Variants in MUL1 observed in about 807,000 individuals in gnomAD.
The protein encoded by MUL1 is mitochondrial E3 ubiquitin protein ligase 1, also known as mitochondrial ubiquitin ligase activator of NFKB 1.
Under a neutral mutation model 34.1 loss-of-function variants are expected in MUL1, and 30 were observed. The ratio of observed to expected loss-of-function variants is 0.88; its 90% confidence interval spans 0.66 to 1.19. MUL1 has a LOEUF of 1.19. Ranked by LOEUF, MUL1 falls within the 50% of genes most tolerant of loss-of-function variation. MUL1 has a pLI of 0.00. For synonymous variants in MUL1, 191 were observed against 187.8 expected (o/e 1.02, Z -0.14); for missense variants, 419 against 450.5 (o/e 0.93, Z 0.63).
At chr1:20,502,437 T>A (rs2051671497) in intron 2 of MUL1, among the ~76,000 whole-genome samples, 1 of 152,184 alleles carries the variant, frequency 6.6e-6, no homozygotes, top group Non-Finnish European at 1.5e-5. Flanking sequence ...TAGTCCCAGA[T>A]ACTTGGGAGG....
At chr1:20,502,279 T>A in intron 2 of MUL1, 90 bp from the exon 3 acceptor site, 1 of 1,556,872 alleles carries the variant, frequency 6.4e-7, no homozygotes, top group Non-Finnish European at 8.8e-7. Context: ...TCTGGCACAG[T>A]AGGTCACACC....
At chr1:20,506,967 C>T (rs1319894642) in intron 1 of MUL1, among the ~76,000 whole-genome samples, 1 of 152,152 alleles carries the variant, frequency 6.6e-6, no homozygotes, top group Non-Finnish European at 1.5e-5. Context: ...TGGCTCACGC[C>T]TTTACATCCC....
chr1:20,505,121 G>C (rs1251088728), intron 1 of MUL1, among the ~76,000 whole-genome samples: 1 of 152,190 alleles, frequency 6.6e-6, no homozygotes, highest in African/African-American at 2.4e-5. Flanking sequence ...CAGGGAAAAT[G>C]CAATTTCACA....
At chr1:20,507,588 G>A (rs1454897928) in intron 1 of MUL1, among the ~76,000 whole-genome samples, 3 of 152,230 alleles carry the variant, frequency 2.0e-5, no homozygotes, top group Admixed American at 6.5e-5. Flanking sequence ...ATCTCCACGA[G>A]GGGATGGACT....
chr1:20,506,272 G>T lies in MUL1; in HGVS notation c.120+1633C>A, dbSNP rs554467539. The stretch of plus-strand genomic sequence containing the variant: ...TGTATTGTGAAACTTCAGCCAAAAA[G>T]AACCCACAAACATTTACTGAGCATC... On this transcript the variant is annotated intron_variant, in intron 1 of 3. Transcript: ENST00000264198. Among the ~76,000 whole-genome samples, 14 of 152,250 alleles carry T rather than the reference G, an allele frequency of 9.2e-5. No homozygotes were observed. In the South Asian group the frequency reaches 2.9e-3, roughly 32 times the overall value.
chr1:20,506,465 A>T (rs919145973), intron 1 of MUL1, among the ~76,000 whole-genome samples: 4 of 152,260 alleles, frequency 2.6e-5, no homozygotes, highest in Non-Finnish European at 4.4e-5. Flanking sequence ...CCTAAATTTA[A>T]GTTTCAAGCT....
rs2051732750 is a variant in MUL1 at position 20,507,892 on chromosome 1, C to T, written c.120+13G>A. 6.3e-7 allele frequency: 1 copy of T among 1,596,522 alleles called. No individual in the cohort carries two copies. Among genetic ancestry groups the T allele is most frequent in the Non-Finnish European group, 8.5e-7 (1 of 1,172,344 alleles). On this transcript the variant is annotated intron_variant, in intron 1 of 3. Transcript: ENST00000264198. ...GATGACCCGGCTGAGGCCAGGCCGGCTCCAGCACTGACCTTGAGCTCTTGG... is the reference window on the plus strand; with the variant it reads ...GATGACCCGGCTGAGGCCAGGCCGGTTCCAGCACTGACCTTGAGCTCTTGG...
At chr1:20,507,865 G>C (rs1348331964) in intron 1 of MUL1, 40 bp downstream of exon 1, 1 of 1,586,122 alleles carries the variant, frequency 6.3e-7, no homozygotes, top group Non-Finnish European at 8.6e-7. Context: ...ACCTGGGACA[G>C]AGATGACCCG....
intron 1 of MUL1, among the ~76,000 whole-genome samples, chr1:20,507,315 AG>A (rs1454008755): frequency 6.6e-6 from 1 of 152,268 alleles, no homozygotes; most frequent in Non-Finnish European, 1.5e-5. Flanking sequence ...TAATATAAAA[AG>A]GAAGCGTCTG....
Position 20,500,755 on chromosome 1 carries a change from C to T in MUL1, c.994G>A (p.Glu332Lys). 1 of 1,612,568 alleles carries T rather than the reference C, an allele frequency of 6.2e-7. No homozygotes were observed. The highest frequency in any genetic ancestry group is 8.5e-7 in the Non-Finnish European group (1 of 1,179,312). ...SCTECYRALP[E>K]PKKCPICRQA... ...CTGCAGATAGGGCACTTCTTGGGCT[C>T]TGGCAAGGCGCGGTAGCACTCGGTG... is the stretch of plus-strand genomic sequence containing the variant. The change falls in exon 4 of 4, where the codon GAG becomes AAG. Residue 332 changes from glutamate to lysine, a missense_variant. Transcript: ENST00000264198.
Position 20,508,101 on chromosome 1 carries a change from A to C in MUL1, c.-77T>G, listed in dbSNP as rs1440511528. 9.2e-6 allele frequency: 14 copies of C among 1,525,938 alleles called. No homozygotes were observed. The highest frequency in any genetic ancestry group is 1.8e-6 in the Non-Finnish European group (2 of 1,135,086). The allele number at this position is 1,525,938 out of a possible 1,614,324, so 94.5% of individuals were successfully genotyped here. A position where few individuals can be genotyped will look rare whatever the true frequency, so the allele number is the denominator to read the frequency against. ...ACCCCCGACTCTCCACCTCCTTCCG[A>C]CCAGGACCGCACCCCCCCGGCCTAA... On this transcript the variant is annotated 5_prime_UTR_variant, in exon 1 of 4. Transcript: ENST00000264198.
At chr1:20,503,398 A>G (rs1178559434) in intron 1 of MUL1, 89 bp from the exon 2 acceptor site, 3 of 751,958 alleles carry the variant, frequency 4.0e-6, no homozygotes, top group Admixed American at 3.2e-5. Flanking sequence ...AAAAGATTCT[A>G]TTTTTTTCGT....
Position 20,500,678 on chromosome 1 carries a change from G to A in MUL1, c.*12C>T, listed in dbSNP as rs201050106. 6 of 1,542,320 alleles carry A rather than the reference G, an allele frequency of 3.9e-6. No individual in the cohort carries two copies. Among genetic ancestry groups the A allele is most frequent in the Non-Finnish European group, 5.3e-6 (6 of 1,142,852 alleles). On this transcript the variant is annotated 3_prime_UTR_variant, in exon 4 of 4. Transcript: ENST00000264198. ...GGGTGCTTCCAGGTCAAGCTGTGCGGCTTCCAAACTATTAGCTGTTGTACA... is the reference window on the plus strand; with the variant it reads ...GGGTGCTTCCAGGTCAAGCTGTGCGACTTCCAAACTATTAGCTGTTGTACA...
rs1487532000 is a variant in MUL1 at position 20,499,802 on chromosome 1, G to A, written c.*888C>T. Reference sequence around the variant, plus strand: ...AGGGCATATGCTCAGGGTGCCAGCCGGCTGCTTTTCCTTGTGACAGCCTTG... The same window carrying A: ...AGGGCATATGCTCAGGGTGCCAGCCAGCTGCTTTTCCTTGTGACAGCCTTG... On this transcript the variant is annotated 3_prime_UTR_variant, in exon 4 of 4. Transcript: ENST00000264198. The A allele has an allele frequency of 6.6e-6, 1 of 152,284 alleles. No homozygotes were observed. Among genetic ancestry groups the A allele is most frequent in the Non-Finnish European group, 1.5e-5 (1 of 68,100 alleles). 9.4% of individuals were successfully genotyped at this position (152,284 alleles called of 1,614,324 possible).
chr1:20,504,933 T>G (rs1014918201), intron 1 of MUL1, among the ~76,000 whole-genome samples: 1 of 152,148 alleles, frequency 6.6e-6, no homozygotes, highest in Non-Finnish European at 1.5e-5. Context: ...GTGAAGTGAT[T>G]TGCCCAAAGT....
chr1:20,506,897 G>T (rs954607362), intron 1 of MUL1, among the ~76,000 whole-genome samples: 1 of 149,490 alleles, frequency 6.7e-6, no homozygotes, highest in Non-Finnish European at 1.5e-5. Context: ...AGGAAAGAAA[G>T]GAAAAAAAAT....
In MUL1 at chr1:20,503,228, T is replaced by C. The variant is rs778618023; in HGVS notation, c.202A>G (p.Ile68Val). ...GACCAATAAGCAAACATACCTTCTA[T>C]AACAGCATAAGGCACGCATTTTCCT... Reference protein sequence around the residue: ...APGKCVPYAVIEGAVRSVKET... With the variant: ...APGKCVPYAVVEGAVRSVKET... Residue 68 changes from isoleucine to valine, a missense_variant, in exon 2 of 4, where the codon ATA becomes GTA. Coordinates refer to ENST00000264198, the MANE Select transcript of MUL1 (RefSeq NM_024544.3). The C allele has an allele frequency of 2.5e-6, 4 of 1,598,670 alleles. No homozygotes were observed. Among genetic ancestry groups the C allele is most frequent in the South Asian group, 2.3e-5 (2 of 87,966 alleles).
chr1:20,505,455 C>T (rs1056780132), intron 1 of MUL1, among the ~76,000 whole-genome samples: 1 of 151,642 alleles, frequency 6.6e-6, no homozygotes, highest in African/African-American at 2.4e-5. Context: ...TGGTGGTGTG[C>T]ACCTGTAGTC....
chr1:20,508,142 G>T lies in MUL1; in HGVS notation c.-118C>A. On this transcript the variant is annotated 5_prime_UTR_variant, in exon 1 of 4. Coordinates refer to ENST00000264198, the MANE Select transcript of MUL1 (RefSeq NM_024544.3). ...CCCGGCCTAACCTGACCGGAAACTC[G>T]AAATCAGTCGCCCAGCGATGACGCA... The T allele has an allele frequency of 7.1e-7, 1 of 1,403,212 alleles. No homozygotes were observed. The highest frequency in any genetic ancestry group is 1.4e-5 in the South Asian group (1 of 72,192). The allele number at this position is 1,403,212 out of a possible 1,614,324, so 86.9% of individuals were successfully genotyped here. A position where few individuals can be genotyped will look rare whatever the true frequency, so the allele number is the denominator to read the frequency against.
Sources: allele counts gnomAD v4.1 joint callset (sites outside exome capture counted in the v4.1 genomes callset), GRCh38; gene constraint gnomAD v4.1.1; transcripts MANE v1.5; gene names NCBI Gene and HGNC (gene_info 2026-07-23, HGNC 2026-07-21).